Variants in DPP6 observed in about 807,000 individuals in gnomAD.
DPP6 encodes the protein A-type potassium channel modulatory protein DPP6.
Under a neutral mutation model 122.6 loss-of-function variants are expected in DPP6, and 69 were observed. The observed-to-expected ratio is 0.56, with a 90% CI of 0.46 to 0.69. DPP6 has a LOEUF of 0.69. Among genes scored for constraint, DPP6 ranks in the 30% least tolerant of loss-of-function variants. The pLI is 0.00. For synonymous variants in DPP6, 418 were observed against 433.1 expected (o/e 0.97, Z 0.43); for missense variants, 928 against 1,116.9 (o/e 0.83, Z 2.41).
At chr7:154,605,100 C>A (rs1207583973) in intron 5 of DPP6, among the ~76,000 whole-genome samples, 2 of 118,186 alleles carry the variant, frequency 1.7e-5, no homozygotes, top group Non-Finnish European at 3.8e-5. Flanking sequence ...TATAAATATG[C>A]ACTGTGTTTT....
At chr7:154,276,801 T>G (rs1804169180) in intron 1 of DPP6, among the ~76,000 whole-genome samples, 1 of 152,234 alleles carries the variant, frequency 6.6e-6, no homozygotes, top group Non-Finnish European at 1.5e-5. Flanking sequence ...GATCCACACA[T>G]AAGTTTCTTA....
At chr7:154,412,896 C>T (rs1816730261) in intron 1 of DPP6, among the ~76,000 whole-genome samples, 1 of 152,202 alleles carries the variant, frequency 6.6e-6, no homozygotes, top group Non-Finnish European at 1.5e-5. Context: ...TGAGATGTTC[C>T]ATGACCTGGT....
At chr7:154,270,839 C>T (rs1162327082) in intron 1 of DPP6, among the ~76,000 whole-genome samples, 1 of 152,156 alleles carries the variant, frequency 6.6e-6, no homozygotes, top group African/African-American at 2.4e-5. Context: ...GATTCCAAAG[C>T]ACACAGTCCT....
At chr7:153,800,717 A>T in the DPP6 span, among the ~76,000 whole-genome samples, 39 of 152,034 alleles carry the variant, frequency 2.6e-4, no homozygotes, top group African/African-American at 9.4e-4. Context: ...GGGTTTCGCC[A>T]TGTTGGCCAG....
At chr7:154,835,230 AGAG>A (rs752857537) in intron 16 of DPP6, among the ~76,000 whole-genome samples, 4 of 152,118 alleles carry the variant, frequency 2.6e-5, no homozygotes, top group Admixed American at 6.6e-5. Context: ...CCTTCCAAGA[AGAG>A]GAGAAGAGAC....
chr7:154,267,559 AC>A (rs1236219080), intron 1 of DPP6, among the ~76,000 whole-genome samples: 1 of 151,210 alleles, frequency 6.6e-6, no homozygotes, highest in Non-Finnish European at 1.5e-5. Flanking sequence ...AAACACATAT[AC>A]ACACATGTAC....
At chr7:153,816,204 A>G in the DPP6 span, among the ~76,000 whole-genome samples, 8,837 of 117,262 alleles carry the variant, frequency 0.075, no homozygotes, top group East Asian at 0.094. Context: ...AATAATTAGA[A>G]GGAAAATATT....
intron 1 of DPP6, among the ~76,000 whole-genome samples, chr7:154,438,034 A>G (rs1456756503): frequency 6.6e-6 from 1 of 152,222 alleles, no homozygotes; most frequent in Admixed American, 6.5e-5. Flanking sequence ...TAGCTAGAAT[A>G]TGCCGCAGAC....
chr7:154,835,256 C>T (rs536814325), intron 16 of DPP6, among the ~76,000 whole-genome samples: 1 of 152,282 alleles, frequency 6.6e-6, no homozygotes, highest in African/African-American at 2.4e-5. Flanking sequence ...ACACGGGAGG[C>T]AGACGCTGCT....
intron 1 of DPP6, among the ~76,000 whole-genome samples, chr7:154,228,421 G>T (rs1800733469): frequency 6.6e-6 from 1 of 152,116 alleles, no homozygotes; most frequent in Admixed American, 6.5e-5. Context: ...AGTACTTAGG[G>T]ATAAAAGTAG....
chr7:154,063,137 A>C (rs1242012644), intron 1 of DPP6, among the ~76,000 whole-genome samples: 1 of 115,968 alleles, frequency 8.6e-6, no homozygotes, highest in African/African-American at 3.3e-5. Context: ...ACCCCCCACG[A>C]GAGTGGGGAC....
At position 154,605,339 on chromosome 7, in the gene DPP6, A is replaced by C. The variant is rs1490162886; in HGVS notation, c.628-32482A>C. ...TACATTTTTAGTCAGTTTTACGAGC[A>C]AGAGGGTATCTGTTCCATCTGAGCT... is the stretch of plus-strand genomic sequence containing the variant. On this transcript the variant is annotated intron_variant, in intron 5 of 25. Transcript: ENST00000377770. Among the ~76,000 whole-genome samples the C allele has an allele frequency of 1.7e-5, 2 of 119,230 alleles. 1 individual carries two copies. The highest frequency in any genetic ancestry group is 3.8e-5 in the Non-Finnish European group (2 of 53,046). The allele number at this position is 119,230 out of a possible 152,430, so 78.2% of individuals were successfully genotyped here.
chr7:153,829,713 G>C, the DPP6 span, among the ~76,000 whole-genome samples: 1 of 152,186 alleles, frequency 6.6e-6, no homozygotes, highest in Non-Finnish European at 1.5e-5. Flanking sequence ...ACCAGCTTTG[G>C]GTGGACCTCT....
the DPP6 span, among the ~76,000 whole-genome samples, chr7:153,854,315 A>ACTTGGTGATCGCAAC: frequency 1.3e-5 from 2 of 152,104 alleles, no homozygotes; most frequent in African/African-American, 4.8e-5. Context: ...CTTAGGATTG[A>ACTTGGTGATCGCAAC]CTTGGTGATC....
rs55839773 is a variant in DPP6, at chr7:154,040,736, T to C, written c.51+153002T>C. Among the ~76,000 whole-genome samples the C allele has an allele frequency of 1.7e-3, 257 of 152,368 alleles. 2 individuals are homozygous for C. Among genetic ancestry groups the C allele is most frequent in the African/African-American group, 5.7e-3 (235 of 41,590 alleles). On this transcript the variant is annotated intron_variant, in intron 1 of 25. Transcript: ENST00000404039. ...CATATTCTGTGTACAGAATTCTATATATGTTCCTAGGGGCTGGAACATTTT... is the reference window on the plus strand; with the variant it reads ...CATATTCTGTGTACAGAATTCTATACATGTTCCTAGGGGCTGGAACATTTT...
At chr7:154,625,597 G>T (rs561714924) in intron 5 of DPP6, among the ~76,000 whole-genome samples, 2 of 148,004 alleles carry the variant, frequency 1.4e-5, no homozygotes, top group South Asian at 2.1e-4. Context: ...CCATCTCTTT[G>T]TCTGTTTTTG....
At chr7:153,998,663 C>A (rs1472931531) in intron 1 of DPP6, among the ~76,000 whole-genome samples, 1 of 152,192 alleles carries the variant, frequency 6.6e-6, no homozygotes, top group African/African-American at 2.4e-5. Flanking sequence ...TATTTTTCTT[C>A]ATGGTATTTA....
chr7:154,525,695 C>T (rs56801034), intron 3 of DPP6, among the ~76,000 whole-genome samples: 4,317 of 151,860 alleles, frequency 0.028, 94 homozygotes, highest in East Asian at 0.087. Context: ...CAGAGCATCC[C>T]GTACATTGTA....
chr7:154,061,910 C>CT (rs1478926749), intron 1 of DPP6, among the ~76,000 whole-genome samples: 2 of 131,994 alleles, frequency 1.5e-5, no homozygotes, highest in Non-Finnish European at 3.3e-5. Flanking sequence ...CTCTTCCCCC[C>CT]CTGGCTCTGA....
Sources: gnomAD v4.1 joint callset for allele counts (sites outside exome capture counted in the v4.1 genomes callset) on GRCh38, gnomAD v4.1.1 for gene constraint, MANE v1.5 for transcripts, NCBI Gene and HGNC (gene_info 2026-07-23, HGNC 2026-07-21) for gene names.